The following XAB2 variants were observed in gnomAD, a reference collection of about 807,000 sequenced individuals.
XAB2 encodes the protein pre-mRNA-splicing factor SYF1.
Under a neutral mutation model 113.4 loss-of-function variants are expected in XAB2, and 57 were observed. The ratio of observed to expected loss-of-function variants is 0.50; its 90% CI spans 0.41 to 0.63. XAB2 has a LOEUF of 0.63. XAB2 is among the 20% of genes least tolerant of loss of function. XAB2 has a pLI of 0.00. For missense variants in XAB2, 1,037 were observed against 1,233.3 expected (o/e 0.84, Z 2.38); for synonymous variants, 497 against 498.8 (o/e 1.00, Z 0.05).
rs1213560520 is a variant in XAB2 at position 7,620,882 on chromosome 19, G to A, written c.1935C>T (p.Val645=). ...TCTGGTAGATGCCGCGGGTGTGGGT[G>A]ACCCCATAGATCTCGGCCGCCCGCT... ...YIKRAAEIYG[V]THTRGIYQKA... is the part of the protein sequence containing the mutation. The change falls in exon 14 of 19, where the codon GTC becomes GTT. Residue 645 remains valine, a synonymous_variant. Coordinates refer to ENST00000358368, the MANE Select transcript of XAB2 (RefSeq NM_020196.3). The A allele has an allele frequency of 5.0e-6, 8 of 1,599,002 alleles. No individual in the cohort carries two copies. Among genetic ancestry groups the A allele is most frequent in the Non-Finnish European group, 6.8e-6 (8 of 1,172,764 alleles).
In XAB2 at chr19:7,621,159, C is replaced by T. The variant is rs772038262; in HGVS notation, c.1756G>A (p.Gly586Ser). ...CTCTTGGCATATTTTGGGGGGCAGC[C>T]GTCCAGAGCCTGTTCAAACAGGTCC... is the stretch of plus-strand genomic sequence containing the variant. ...ARDLFEQALD[G>S]CPPKYAKTLY... Residue 586 changes from glycine to serine, a missense_variant, in exon 13 of 19, where the codon GGC becomes AGC. By Grantham distance (56) the Gly-to-Ser change is moderately conservative. Transcript: ENST00000358368. 3.0e-5 allele frequency: 49 copies of T among 1,610,874 alleles called. No homozygotes were observed. Among genetic ancestry groups the T allele is most frequent in the Admixed American group, 5.0e-5 (3 of 59,784 alleles).
rs912254633 is a variant in XAB2 at position 7,622,977 on chromosome 19, CACAA to C, written c.1240-88_1240-85del. On this transcript the variant is annotated intron_variant, in intron 9 of 18. Coordinates refer to ENST00000358368, the MANE Select transcript of XAB2 (RefSeq NM_020196.3). ...CAAGGGTCAGAAAGGTGACCATGCT[CACAA>C]ACATACAGGCACAAACACACAGGCA... The C allele has an allele frequency of 2.6e-6, 4 of 1,565,996 alleles. No homozygotes were observed. The African/African-American group carries it at 4.1e-5, about 16-fold the overall frequency.
chr19:7,627,570 A>C lies in XAB2; in HGVS notation c.325-130T>G. 1.3e-6 allele frequency: 2 copies of C among 1,507,228 alleles called. No homozygotes were observed. The highest frequency in any genetic ancestry group is 1.4e-5 in the African/African-American group (1 of 72,648). 93.4% of individuals were successfully genotyped at this position (1,507,228 alleles called of 1,614,324 possible). The stretch of plus-strand genomic sequence containing the variant: ...AATGCGGCGGGACCCAGAAACCCCC[A>C]GCTCCAGGACTGAGTCCAGCCCAAC... On this transcript the variant is annotated intron_variant, in intron 3 of 18. Transcript: ENST00000358368. This position sits in a 1 kb window ranked among gnomAD's most constrained non-coding sequence, Gnocchi z 4.5.
Position 7,627,725 on chromosome 19 carries a change from A to G in XAB2, c.324+3T>C. 2.5e-6 allele frequency: 4 copies of G among 1,613,940 alleles called. No individual in the cohort carries two copies. Among genetic ancestry groups the G allele is most frequent in the Non-Finnish European group, 3.4e-6 (4 of 1,179,948 alleles). ...CGATTCATCCCCTCGCCGAGCCCCA[A>G]ACCTTGTGCATGAACACAAAGGCCC... is the stretch of plus-strand genomic sequence containing the variant. On this transcript the variant is annotated splice_donor_region_variant and intron_variant, in intron 3 of 18. Transcript: ENST00000358368. This position sits in a 1 kb window ranked among gnomAD's most constrained non-coding sequence, Gnocchi z 4.5.
In XAB2 at chr19:7,619,984, G is replaced by T; in HGVS notation, c.2358C>A (p.Asp786Glu). ...TCTTGCTCTGGGCGCGCAAGGGCTG[G>T]TCACGCTCCGCCTCAGCCGCCAGCT... ...AEQLAAEAER[D>E]QPLRAQSKIL... is the part of the protein sequence containing the mutation. Residue 786 changes from aspartate to glutamate, a missense_variant, in exon 17 of 19, where the codon GAC becomes GAA. Transcript: ENST00000358368. 6.2e-7 allele frequency: 1 copy of T among 1,612,220 alleles called. No individual in the cohort carries two copies.
Position 7,628,988 on chromosome 19 carries a change from G to A in XAB2, c.51+489C>T, listed in dbSNP as rs2031200835. Among the ~76,000 whole-genome samples the A allele has an allele frequency of 6.6e-6, 1 of 152,134 alleles. No homozygotes were observed. On this transcript the variant is annotated intron_variant, in intron 1 of 18. Transcript: ENST00000358368. This position sits in a 1 kb window ranked among gnomAD's most constrained non-coding sequence, Gnocchi z 4.6. ...ACTCCAGAGAGTAAGTATTTCACTG[G>A]CCATCGCCTGACAAGCTCCACATCA...
rs776970799 is a variant in XAB2, at chr19:7,621,253, G to A, written c.1662C>T (p.Ser554=). ...GISLFKWPNV[S]DIWSTYLTKF... is the part of the protein sequence containing the mutation. ...TGGTCAGGTAGGTGCTCCAGATGTCGGACACGTTGGGCCACTTGAACAGCG... is the reference window on the plus strand; with the variant it reads ...TGGTCAGGTAGGTGCTCCAGATGTCAGACACGTTGGGCCACTTGAACAGCG... The change falls in exon 13 of 19, where the codon TCC becomes TCT. Residue 554 remains serine (S), a synonymous_variant. Coordinates refer to ENST00000358368, the MANE Select transcript of XAB2 (RefSeq NM_020196.3). The A allele has an allele frequency of 1.2e-5, 20 of 1,612,974 alleles. No homozygotes were observed. The highest frequency in any genetic ancestry group is 3.3e-5 in the Admixed American group (2 of 59,994).
rs2031109297 is a variant in XAB2, at chr19:7,624,992, G to C, written c.823-547C>G. Among the ~76,000 whole-genome samples, 1 of 152,218 alleles carries C rather than the reference G, an allele frequency of 6.6e-6. No homozygotes were observed. The highest frequency in any genetic ancestry group is 2.4e-5 in the African/African-American group (1 of 41,464). On this transcript the variant is annotated intron_variant, in intron 6 of 18. Coordinates refer to ENST00000358368, the MANE Select transcript of XAB2 (RefSeq NM_020196.3). The surrounding 1 kb of genome is among the most constrained non-coding windows in gnomAD (Gnocchi z 4.2). Reference sequence around the variant, plus strand: ...TTGGCCTACACGTGCCCCTGGAAGGGGCGCTGCGAAGCGCATACCGCCCAC... The same window carrying C: ...TTGGCCTACACGTGCCCCTGGAAGGCGCGCTGCGAAGCGCATACCGCCCAC...
Position 7,625,777 on chromosome 19 carries a change from C to G in XAB2, c.822+103G>C, listed in dbSNP as rs2031126577. On this transcript the variant is annotated intron_variant, in intron 6 of 18. Transcript: ENST00000358368. This position sits in a 1 kb window ranked among gnomAD's most constrained non-coding sequence, Gnocchi z 5.2. ...GACAGGTGTGAGCCACCACACCCAG[C>G]CATAAATGGCATGTTTTCTGCCTGT... 2.8e-6 allele frequency: 4 copies of G among 1,452,936 alleles called. No individual in the cohort carries two copies. The highest frequency in any genetic ancestry group is 2.4e-4 in the Middle Eastern group (1 of 4,116). 90.0% of individuals were successfully genotyped at this position (1,452,936 alleles called of 1,614,324 possible).
Position 7,623,930 on chromosome 19 carries a change from G to A in XAB2, c.968-48C>T. On this transcript the variant is annotated intron_variant, in intron 7 of 18. Coordinates refer to ENST00000358368, the MANE Select transcript of XAB2 (RefSeq NM_020196.3). This position sits in a 1 kb window ranked among gnomAD's most constrained non-coding sequence, Gnocchi z 4.6. ...TCAGGGGCGGAGACCCAGGATGCAG[G>A]TCCCCGGATGCCACCGCCTCCACTC... is the stretch of plus-strand genomic sequence containing the variant. 6.7e-7 allele frequency: 1 copy of A among 1,492,880 alleles called. No homozygotes were observed. The allele number at this position is 1,492,880 out of a possible 1,614,324, so 92.5% of individuals were successfully genotyped here.
rs199603958 is a variant in XAB2, at chr19:7,619,677, C to A, written c.2507-30G>T. 1,395 of 1,604,998 alleles carry A rather than the reference C, an allele frequency of 8.7e-4. 3 individuals are homozygous for A. The highest frequency in any genetic ancestry group is 2.0e-3 in the Middle Eastern group (12 of 6,008). On this transcript the variant is annotated intron_variant, in intron 18 of 18. Transcript: ENST00000358368. ...GGGGAAGGCGGGAGCCAGTCACCCTCCTGGCGTTGGCCTGTCCCCCGAGGC... is the reference window on the plus strand; with the variant it reads ...GGGGAAGGCGGGAGCCAGTCACCCTACTGGCGTTGGCCTGTCCCCCGAGGC...
chr19:7,625,827 G>C lies in XAB2; in HGVS notation c.822+53C>G, dbSNP rs2031127636. On this transcript the variant is annotated intron_variant, in intron 6 of 18. Coordinates refer to ENST00000358368, the MANE Select transcript of XAB2 (RefSeq NM_020196.3). This position sits in a 1 kb window ranked among gnomAD's most constrained non-coding sequence, Gnocchi z 5.2. ...TGCATGTGTCAACATGTGTCCCCGA[G>C]TGTCGGAGGGAGACCCCGCCCCGAA... 1 of 1,550,028 alleles carries C rather than the reference G, an allele frequency of 6.5e-7. No individual in the cohort carries two copies. The highest frequency in any genetic ancestry group is 8.7e-7 in the Non-Finnish European group (1 of 1,144,100).
chr19:7,622,304 G>A (rs1161451519), intron 12 of XAB2, 27 bp downstream of exon 12: 2 of 1,610,670 alleles, frequency 1.2e-6, no homozygotes, highest in African/African-American at 1.3e-5. Flanking sequence ...GCCATCAGGG[G>A]CCTCTGGGTC....
chr19:7,620,644 T>A lies in XAB2; in HGVS notation c.1997A>T (p.Glu666Val). ...CATGTCTGCAAACCGCAGGCACATCTCACGCGCGTGCTCGTCCGACAGCAC... is the reference window on the plus strand; with the variant it reads ...CATGTCTGCAAACCGCAGGCACATCACACGCGCGTGCTCGTCCGACAGCAC... Reference protein sequence around the residue: ...IEVLSDEHAREMCLRFADMEC... With the variant: ...IEVLSDEHARVMCLRFADMEC... The change falls in exon 15 of 19, where the codon GAG becomes GTG. Residue 666 changes from glutamate to valine, a missense_variant. Transcript: ENST00000358368. The A allele has an allele frequency of 1.2e-6, 2 of 1,612,924 alleles. No individual in the cohort carries two copies. Among genetic ancestry groups the A allele is most frequent in the African/African-American group, 1.3e-5 (1 of 75,000 alleles).
rs141227968 is a variant in XAB2, at chr19:7,629,518, T to C, written c.10A>G (p.Met4Val). 3.0e-5 allele frequency: 48 copies of C among 1,605,326 alleles called. No homozygotes were observed. The highest frequency in any genetic ancestry group is 3.9e-5 in the Non-Finnish European group (46 of 1,176,228). ...CGCTCGGGCCGCGAGAGTCGCGCCA[T>C]CACCACCATTTTTCTGGATGCCCAG... MVV[M>V]ARLSRPERPD... Residue 4 changes from methionine (M) to valine (V), a missense_variant, in exon 1 of 19, where the codon ATG becomes GTG. Transcript: ENST00000358368.
At chr19:7,621,405 G>A (rs1300769965) in intron 12 of XAB2, 108 bp from the exon 13 acceptor site, 6 of 1,319,916 alleles carry the variant, frequency 4.5e-6, no homozygotes, top group Non-Finnish European at 6.4e-6. Flanking sequence ...AACTCCCTTG[G>A]GGCCCTTCCC....
Position 7,619,983 on chromosome 19 carries a change from G to T in XAB2, c.2359C>A (p.Gln787Lys). 4 of 1,612,286 alleles carry T rather than the reference G, an allele frequency of 2.5e-6. No individual in the cohort carries two copies. Among genetic ancestry groups the T allele is most frequent in the Non-Finnish European group, 3.4e-6 (4 of 1,179,960 alleles). Residue 787 changes from glutamine (Q) to lysine (K), a missense_variant, in exon 17 of 19, where the codon CAG (glutamine) becomes AAG (lysine). Coordinates refer to ENST00000358368, the MANE Select transcript of XAB2 (RefSeq NM_020196.3). ...EQLAAEAERD[Q>K]PLRAQSKILF... ...ATCTTGCTCTGGGCGCGCAAGGGCT[G>T]GTCACGCTCCGCCTCAGCCGCCAGC...
Position 7,623,370 on chromosome 19 carries a change from T to TGG in XAB2, c.1120-83_1120-82dup. 6.4e-7 allele frequency: 1 copy of TGG among 1,572,884 alleles called. No individual in the cohort carries two copies. The highest frequency in any genetic ancestry group is 1.1e-5 in the South Asian group (1 of 89,386). On this transcript the variant is annotated intron_variant, in intron 8 of 18. Coordinates refer to ENST00000358368, the MANE Select transcript of XAB2 (RefSeq NM_020196.3). This position sits in a 1 kb window ranked among gnomAD's most constrained non-coding sequence, Gnocchi z 4.6. Reference sequence around the variant, plus strand: ...GGGGCAGAGCTGTGGCTCTGAGGGGTGGGGCCTGGAGGGTGCTGTGGCCCC... The same window carrying TGG: ...GGGGCAGAGCTGTGGCTCTGAGGGGTGGGGGGCCTGGAGGGTGCTGTGGCCCC...
rs1176492365 is a variant in XAB2, at chr19:7,623,639, C to T, written c.1119+92G>A. The T allele has an allele frequency of 2.0e-5, 30 of 1,485,808 alleles. No homozygotes were observed. Among genetic ancestry groups the T allele is most frequent in the Non-Finnish European group, 1.3e-5 (14 of 1,117,678 alleles). 92.0% of individuals were successfully genotyped at this position (1,485,808 alleles called of 1,614,324 possible). On this transcript the variant is annotated intron_variant, in intron 8 of 18. Transcript: ENST00000358368. The surrounding 1 kb of genome is among the most constrained non-coding windows in gnomAD (Gnocchi z 4.6). ...GGACCTACTAAGCAAAGTCAGGCCC[C>T]TAGAAGGTGACATTATGGGTGAAGG...
Sources: gnomAD v4.1 joint callset for allele counts (sites outside exome capture counted in the v4.1 genomes callset) on GRCh38, gnomAD v4.1.1 for gene constraint, Gnocchi (gnomAD v3.1) non-coding constraint, MANE v1.5 for transcripts, NCBI Gene and HGNC (gene_info 2026-07-23, HGNC 2026-07-21) for gene names.